The following FAM227B variants were observed in gnomAD, a reference collection of about 807,000 sequenced individuals.
FAM227B encodes the protein protein FAM227B.
FAM227B carries 88 observed loss-of-function variants against 73.8 expected under a neutral mutation model. The ratio of observed to expected loss-of-function variants is 1.19; its 90% CI spans 1.00 to 1.42. The LOEUF (loss-of-function observed/expected upper bound fraction) is 1.42. Ranked by LOEUF, FAM227B falls within the 40% of genes most tolerant of loss-of-function variation. The pLI is 0.00. For missense variants in FAM227B, 632 were observed against 590.9 expected (o/e 1.07, Z -0.72); for synonymous variants, 210 against 190.5 (o/e 1.10, Z -0.84).
At chr15:49,560,852 C>G (rs1038611223) in intron 9 of FAM227B, among the ~76,000 whole-genome samples, 2 of 152,144 alleles carry the variant, frequency 1.3e-5, no homozygotes, top group Non-Finnish European at 2.9e-5. Context: ...TACCACTATA[C>G]CAGCCTTATA....
intron 11 of FAM227B, among the ~76,000 whole-genome samples, chr15:49,414,733 T>C (rs1274494766): frequency 6.6e-6 from 1 of 152,076 alleles, no homozygotes; most frequent in African/African-American, 2.4e-5. Context: ...TGATAATTGA[T>C]AGGAAGAAAC....
chr15:49,327,930 AT>A lies in FAM227B; in HGVS notation c.*637del. 8.1e-6 allele frequency: 13 copies of A among 1,595,568 alleles called. No individual in the cohort carries two copies. The highest frequency in any genetic ancestry group is 1.1e-5 in the South Asian group (1 of 88,558). On this transcript the variant is annotated 3_prime_UTR_variant, in exon 16 of 16. Coordinates refer to ENST00000299338, the MANE Select transcript of FAM227B (RefSeq NM_152647.3). Reference sequence around the variant, plus strand: ...TGTATTTTCATTTATAGGTTCTAATATTTTTTTCCTCACTGTTTTAGGAAGT... The same window carrying A: ...TGTATTTTCATTTATAGGTTCTAATATTTTTTCCTCACTGTTTTAGGAAGT...
chr15:49,554,554 G>A (rs1454024906), intron 9 of FAM227B, among the ~76,000 whole-genome samples: 3 of 152,042 alleles, frequency 2.0e-5, no homozygotes, highest in African/African-American at 4.8e-5. Context: ...AGTTTGGTTC[G>A]GTTTTCTTTC....
chr15:49,531,641 T>C (rs2060616679), intron 10 of FAM227B, among the ~76,000 whole-genome samples: 1 of 152,018 alleles, frequency 6.6e-6, no homozygotes, highest in East Asian at 1.9e-4. Flanking sequence ...CATGCTTTTG[T>C]TGTTTAAAAG....
intron 11 of FAM227B, among the ~76,000 whole-genome samples, chr15:49,455,515 A>G (rs2053201333): frequency 6.6e-6 from 1 of 152,144 alleles, no homozygotes; most frequent in South Asian, 2.1e-4. Context: ...CAATTGCACT[A>G]CTCTGAAAAA....
chr15:49,450,080 G>A (rs2052585640), intron 11 of FAM227B, among the ~76,000 whole-genome samples: 1 of 152,082 alleles, frequency 6.6e-6, no homozygotes. Context: ...CCATAAGACT[G>A]AGAAGAAACA....
At chr15:49,474,010 C>G (rs2055019648) in intron 11 of FAM227B, among the ~76,000 whole-genome samples, 1 of 151,984 alleles carries the variant, frequency 6.6e-6, no homozygotes, top group African/African-American at 2.4e-5. Flanking sequence ...ATAATATAAC[C>G]TTGAAAAATA....
chr15:49,449,980 A>G (rs1280882125), intron 11 of FAM227B, among the ~76,000 whole-genome samples: 1 of 152,110 alleles, frequency 6.6e-6, no homozygotes, highest in Non-Finnish European at 1.5e-5. Context: ...CTCAATCACA[A>G]ACTAGACTGT....
chr15:49,365,849 C>G (rs1218415134), intron 13 of FAM227B: 1 of 895,482 alleles, frequency 1.1e-6, no homozygotes, highest in Non-Finnish European at 1.9e-6. Flanking sequence ...CCGCGACACT[C>G]AATTGTGCAT....
At chr15:49,522,396 G>T (rs2059855500) in intron 10 of FAM227B, among the ~76,000 whole-genome samples, 1 of 152,148 alleles carries the variant, frequency 6.6e-6, no homozygotes, top group African/African-American at 2.4e-5. Context: ...AAGACAGAGT[G>T]TTTTGACATC....
chr15:49,519,999 C>A (rs980978900), intron 10 of FAM227B, among the ~76,000 whole-genome samples: 4 of 152,086 alleles, frequency 2.6e-5, no homozygotes, highest in Non-Finnish European at 5.9e-5. Flanking sequence ...TTAAGAGCAC[C>A]CAAGTCACAT....
chr15:49,400,533 G>T (rs1316496011), intron 11 of FAM227B, among the ~76,000 whole-genome samples: 1 of 74,462 alleles, frequency 1.3e-5, no homozygotes. Flanking sequence ...AAAAGAGCCC[G>T]CATTGCCAAG....
At chr15:49,371,686 T>TTCACTTATAAATAAATGAAAC (rs2045820555) in intron 11 of FAM227B, among the ~76,000 whole-genome samples, 1 of 150,686 alleles carries the variant, frequency 6.6e-6, no homozygotes, top group Non-Finnish European at 1.5e-5. Flanking sequence ...ATAAATGAAA[T>TTCACTTATAAATAAATGAAAC]AAAATTCACT....
chr15:49,381,050 C>T (rs182425673), intron 11 of FAM227B, among the ~76,000 whole-genome samples: 1 of 152,228 alleles, frequency 6.6e-6, no homozygotes, highest in Admixed American at 6.5e-5. Flanking sequence ...TGGTGAGAAA[C>T]GAAGCAAGAG....
chr15:49,450,081 A>G (rs1311861083), intron 11 of FAM227B, among the ~76,000 whole-genome samples: 1 of 152,166 alleles, frequency 6.6e-6, no homozygotes, highest in Non-Finnish European at 1.5e-5. Context: ...CATAAGACTG[A>G]GAAGAAACAA....
intron 10 of FAM227B, among the ~76,000 whole-genome samples, chr15:49,526,414 G>A (rs957416777): frequency 1.3e-5 from 2 of 152,022 alleles, no homozygotes; most frequent in African/African-American, 4.8e-5. Flanking sequence ...TGAGAGTAAA[G>A]TTTACAGTGT....
chr15:49,367,839 A>G (rs575499671), intron 12 of FAM227B: 1 of 237,826 alleles, frequency 4.2e-6, no homozygotes, highest in East Asian at 8.6e-5. Flanking sequence ...GCATATAGGC[A>G]ATAGACATTA....
intron 9 of FAM227B, among the ~76,000 whole-genome samples, chr15:49,553,270 C>T (rs2073252597): frequency 1.3e-5 from 2 of 152,156 alleles, no homozygotes; most frequent in South Asian, 4.1e-4. Flanking sequence ...CTTACTTTAT[C>T]CCAAACATAC....
At chr15:49,551,425 T>A (rs1323999433) in intron 9 of FAM227B, among the ~76,000 whole-genome samples, 1 of 152,224 alleles carries the variant, frequency 6.6e-6, no homozygotes, top group Non-Finnish European at 1.5e-5. Context: ...TAGCAATTCC[T>A]TTTTTTGGTT....
Sources: gnomAD v4.1 joint callset for allele counts (sites outside exome capture counted in the v4.1 genomes callset) on GRCh38, gnomAD v4.1.1 for gene constraint, MANE v1.5 for transcripts, NCBI Gene and HGNC (gene_info 2026-07-23, HGNC 2026-07-21) for gene names.